PEAK1: variants seen among roughly 807,000 people sequenced by gnomAD.
PEAK1 encodes the protein inactive tyrosine-protein kinase PEAK1.
PEAK1 carries 54 observed loss-of-function variants against 124.7 expected under a neutral mutation model. That is an observed-to-expected ratio of 0.43 (90% CI 0.35 to 0.54). The LOEUF (loss-of-function observed/expected upper bound fraction) is 0.54. PEAK1 is among the 20% of genes least tolerant of loss of function. The pLI is 0.01. For synonymous variants in PEAK1, 719 were observed against 760.0 expected (o/e 0.95, Z 0.89); for missense variants, 2,046 against 2,134.5 (o/e 0.96, Z 0.82).
At chr15:77,334,145 T>A in intron 2 of PEAK1, 1 of 939,512 alleles carries the variant, frequency 1.1e-6, no homozygotes, top group Non-Finnish European at 1.3e-6. Flanking sequence ...ATTTTTTTTC[T>A]CCATTGTAGT....
intron 6 of PEAK1, among the ~76,000 whole-genome samples, chr15:77,210,205 A>G (rs896313091): frequency 1.3e-5 from 2 of 152,228 alleles, no homozygotes; most frequent in African/African-American, 4.8e-5. Flanking sequence ...TTATTTTTAC[A>G]CAACCTACAT....
At chr15:77,132,550 C>T (rs1055447358) in intron 9 of PEAK1, among the ~76,000 whole-genome samples, 4 of 151,966 alleles carry the variant, frequency 2.6e-5, no homozygotes, top group Non-Finnish European at 4.4e-5. Context: ...TAAAAATTAG[C>T]GGGGCGTGGT....
intron 5 of PEAK1, among the ~76,000 whole-genome samples, chr15:77,271,258 G>A (rs1050727519): frequency 6.6e-6 from 1 of 152,184 alleles, no homozygotes; most frequent in African/African-American, 2.4e-5. Context: ...TTAGAATGGC[G>A]ATCATTAAAA....
chr15:77,304,200 G>T (rs1215387776), intron 2 of PEAK1, among the ~76,000 whole-genome samples: 2 of 152,092 alleles, frequency 1.3e-5, no homozygotes, highest in Non-Finnish European at 2.9e-5. Context: ...GAATCAGTTT[G>T]TTGACGTCTA....
chr15:77,362,735 A>G (rs1050763684), intron 2 of PEAK1, among the ~76,000 whole-genome samples: 4 of 152,252 alleles, frequency 2.6e-5, no homozygotes, highest in Non-Finnish European at 5.9e-5. Flanking sequence ...CAGAATTTTC[A>G]TAATAGCCAA....
At chr15:77,325,337 G>A (rs943244083) in intron 2 of PEAK1, among the ~76,000 whole-genome samples, 4 of 152,196 alleles carry the variant, frequency 2.6e-5, no homozygotes, top group African/African-American at 9.6e-5. Flanking sequence ...TTGAGCCTGA[G>A]TGGTAGGCTA....
chr15:77,402,049 A>G (rs760539833), intron 1 of PEAK1: 62 of 756,882 alleles, frequency 8.2e-5, no homozygotes, highest in Non-Finnish European at 1.0e-4. Flanking sequence ...AAATACAAAG[A>G]TTAACTGGGC....
chr15:77,346,873 G>T, intron 2 of PEAK1: 1 of 491,372 alleles, frequency 2.0e-6, no homozygotes, highest in Non-Finnish European at 2.6e-6. Context: ...GTCCCCATCA[G>T]AGGAGATTAA....
At chr15:77,348,969 C>T (rs757796193) in intron 2 of PEAK1, 1 of 942,414 alleles carries the variant, frequency 1.1e-6, no homozygotes, top group Admixed American at 6.2e-5. Flanking sequence ...AGATTTAAAG[C>T]CTTTCTTACT....
chr15:77,209,609 T>C (rs544888666), intron 6 of PEAK1, among the ~76,000 whole-genome samples: 6 of 152,162 alleles, frequency 3.9e-5, no homozygotes, highest in Non-Finnish European at 8.8e-5. Flanking sequence ...AAGTCACAAA[T>C]TCCTTCTGCC....
chr15:77,386,252 T>C (rs2069927890), intron 1 of PEAK1, among the ~76,000 whole-genome samples: 1 of 152,206 alleles, frequency 6.6e-6, no homozygotes, highest in Non-Finnish European at 1.5e-5. Context: ...ACGCCTCCAA[T>C]GTCTTTGTTC....
intron 5 of PEAK1, among the ~76,000 whole-genome samples, chr15:77,282,651 A>G (rs2062731674): frequency 6.6e-6 from 1 of 152,234 alleles, no homozygotes; most frequent in South Asian, 2.1e-4. Context: ...GTCATCTTGA[A>G]AAATTCCAAA....
downstream of PEAK1, chr15:77,108,016 GAC>G (rs1229795001): frequency 1.3e-5 from 2 of 152,264 alleles, no homozygotes; most frequent in Non-Finnish European, 2.9e-5. Flanking sequence ...GAGTGCAGAA[GAC>G]ACACAGGCTG....
chr15:77,371,485 C>A, intron 1 of PEAK1: 1 of 979,526 alleles, frequency 1.0e-6, no homozygotes, highest in Non-Finnish European at 1.2e-6. Flanking sequence ...TTTATTGTAG[C>A]CTTTGTTGTA....
chr15:77,346,818 G>GT (rs1442854191), intron 2 of PEAK1: 1 of 832,398 alleles, frequency 1.2e-6, no homozygotes, highest in Non-Finnish European at 1.4e-6. Flanking sequence ...AGACACTACT[G>GT]TAGGTGCTAG....
intron 1 of PEAK1, among the ~76,000 whole-genome samples, chr15:77,405,013 T>G (rs998863192): frequency 3.3e-5 from 5 of 149,628 alleles, no homozygotes; most frequent in Non-Finnish European, 6.0e-5. Flanking sequence ...AGTTTTTTGT[T>G]TTTTTTTTTT....
At chr15:77,288,946 AG>A (rs1765901130) in intron 2 of PEAK1, among the ~76,000 whole-genome samples, 1 of 149,240 alleles carries the variant, frequency 6.7e-6, no homozygotes, top group Admixed American at 6.7e-5. Flanking sequence ...AAAAAAAAAA[AG>A]TATTCGAATG....
chr15:77,151,259 G>T (rs1567034219), intron 8 of PEAK1, among the ~76,000 whole-genome samples: 1 of 151,354 alleles, frequency 6.6e-6, no homozygotes, highest in Admixed American at 6.6e-5. Flanking sequence ...TTCTCTGATG[G>T]CCAGTGATGA....
At chr15:77,134,621 C>T (rs1053100935) in intron 8 of PEAK1, among the ~76,000 whole-genome samples, 2 of 152,176 alleles carry the variant, frequency 1.3e-5, no homozygotes, top group Admixed American at 6.5e-5. Context: ...TTTGAATATA[C>T]CTTCAGGGCT....
Sources: allele counts gnomAD v4.1 joint callset (sites outside exome capture counted in the v4.1 genomes callset), GRCh38; gene constraint gnomAD v4.1.1; transcripts MANE v1.5; gene names NCBI Gene and HGNC (gene_info 2026-07-23, HGNC 2026-07-21).